ERCC2: variants seen among roughly 807,000 people sequenced by gnomAD.
ERCC2 encodes the protein ERCC excision repair 2, TFIIH core complex helicase subunit, also known as general transcription and DNA repair factor IIH helicase subunit XPD.
In ERCC2, 90 loss-of-function variants were observed where a neutral mutation model predicts 99.4. The ratio of observed to expected loss-of-function variants is 0.91; its 90% CI spans 0.76 to 1.08. ERCC2 has a LOEUF of 1.08. Ranked by LOEUF, ERCC2 falls within the 50% of genes least tolerant of loss-of-function variation. The pLI is 0.00. For missense variants in ERCC2, 993 were observed against 1,038.1 expected (o/e 0.96, Z 0.60); for synonymous variants, 497 against 432.4 (o/e 1.15, Z -1.85).
Position 45,351,103 on chromosome 19 carries a change from G to T in ERCC2, c.*526C>A, listed in dbSNP as rs3916897. Reference sequence around the variant, plus strand: ...CAAAGGCAGGGCGGTCGGGCCAGTGGTGGAGTCAGCAGGTGGTGGGTTGGT... The same window carrying T: ...CAAAGGCAGGGCGGTCGGGCCAGTGTTGGAGTCAGCAGGTGGTGGGTTGGT... On this transcript the variant is annotated 3_prime_UTR_variant, in exon 23 of 23. Coordinates refer to ENST00000391945, the MANE Select transcript of ERCC2 (RefSeq NM_000400.4). 8.6e-4 allele frequency: 1,382 copies of T among 1,609,744 alleles called. 5 individuals are homozygous for T. In the African/African-American group the frequency reaches 0.012, roughly 14 times the overall value.
chr19:45,353,058 G>T (rs757496545), intron 19 of ERCC2, 25 bp downstream of exon 19: 1 of 1,607,350 alleles, frequency 6.2e-7, no homozygotes, highest in South Asian at 1.1e-5. Flanking sequence ...AAGACACCTG[G>T]GGAGGAAGAG....
In ERCC2 at chr19:45,352,203, C is replaced by T; in HGVS notation, c.2190+6G>A. On this transcript the variant is annotated splice_donor_region_variant and intron_variant, in intron 22 of 22. Coordinates refer to ENST00000391945, the MANE Select transcript of ERCC2 (RefSeq NM_000400.4). ...GAGGGTGCCGGGAGGGGGACGCAGG[C>T]CTCACCCGGTGGAAGGGCTGTGCCA... is the stretch of plus-strand genomic sequence containing the variant. 1 of 1,613,408 alleles carries T rather than the reference C, an allele frequency of 6.2e-7. No individual in the cohort carries two copies. Among genetic ancestry groups the T allele is most frequent in the South Asian group, 1.1e-5 (1 of 91,034 alleles).
chr19:45,361,565 A>G lies in ERCC2; in HGVS notation c.1196T>C (p.Leu399Pro), dbSNP rs1158298751. 6.2e-7 allele frequency: 1 copy of G among 1,614,004 alleles called. No homozygotes were observed. The highest frequency in any genetic ancestry group is 1.3e-5 in the African/African-American group (1 of 75,046). The change falls in exon 12 of 23, where the codon CTC becomes CCC. Residue 399 changes from leucine (L) to proline (P), a missense_variant. Transcript: ENST00000391945. ...TDLADFSPLT[L>P]LANFATLVST... is the part of the protein sequence containing the mutation. ...GACAAGGGTGGCAAAGTTAGCAAGGAGGGTGAGCGGGGAGAAGTCAGCAAG... is the reference window on the plus strand; with the variant it reads ...GACAAGGGTGGCAAAGTTAGCAAGGGGGGTGAGCGGGGAGAAGTCAGCAAG...
chr19:45,350,590 G>A lies in ERCC2; in HGVS notation c.*1039C>T, dbSNP rs1270564446. On this transcript the variant is annotated 3_prime_UTR_variant, in exon 23 of 23. Coordinates refer to ENST00000391945, the MANE Select transcript of ERCC2 (RefSeq NM_000400.4). ...GTGCTTCGGCTCCTGGGGTGGGCGT[G>A]GGGACTGCATGGGCCTGGGGGACTG... 30 of 1,613,750 alleles carry A rather than the reference G, an allele frequency of 1.9e-5. No individual in the cohort carries two copies. The highest frequency in any genetic ancestry group is 2.4e-5 in the Non-Finnish European group (28 of 1,179,872).
chr19:45,357,972 C>A, intron 12 of ERCC2: 3 of 548,674 alleles, frequency 5.5e-6, no homozygotes, highest in Non-Finnish European at 9.9e-6. Flanking sequence ...GCTCACTCTC[C>A]CAGCACCGCA....
intron 12 of ERCC2, among the ~76,000 whole-genome samples, chr19:45,360,730 G>C (rs1029597362): frequency 1.3e-5 from 2 of 152,132 alleles, no homozygotes; most frequent in Non-Finnish European, 2.9e-5. Flanking sequence ...TGTTCACCAG[G>C]CCAGTCTCGA....
At position 45,365,256 on chromosome 19, in the gene ERCC2, C is replaced by T. The variant is rs568001594; in HGVS notation, c.361-98G>A. 8 of 849,620 alleles carry T rather than the reference C, an allele frequency of 9.4e-6. No individual in the cohort carries two copies. The African/African-American group carries it at 1.2e-4, about 12-fold the overall frequency. The allele number at this position is 849,620 out of a possible 1,614,324, so 52.6% of individuals were successfully genotyped here. On this transcript the variant is annotated intron_variant, in intron 5 of 22. Coordinates refer to ENST00000391945, the MANE Select transcript of ERCC2 (RefSeq NM_000400.4). The stretch of plus-strand genomic sequence containing the variant: ...CCTCCCAGCTGGCTGGGGTTTTGGA[C>T]AACTTGAACCTCAGTCTGTTGCATT...
chr19:45,356,212 C>T (rs752530573), intron 15 of ERCC2, among the ~76,000 whole-genome samples: 6 of 152,198 alleles, frequency 3.9e-5, no homozygotes, highest in Non-Finnish European at 8.8e-5. Flanking sequence ...TCCCACCAGC[C>T]GGCAACCTCA....
chr19:45,361,648 G>A lies in ERCC2; in HGVS notation c.1119-6C>T, dbSNP rs374636940. The A allele has an allele frequency of 3.6e-5, 58 of 1,605,502 alleles. No individual in the cohort carries two copies. The highest frequency in any genetic ancestry group is 3.0e-4 in the Admixed American group (18 of 59,976). On this transcript the variant is annotated splice_polypyrimidine_tract_variant and splice_region_variant and intron_variant, in intron 11 of 22. Transcript: ENST00000391945. ...GGAGGCGTTCAGCACAGAATCTGGCGGGGAGGAGAGACGGGGTCGGGGGGC... is the reference window on the plus strand; with the variant it reads ...GGAGGCGTTCAGCACAGAATCTGGCAGGGAGGAGAGACGGGGTCGGGGGGC...
chr19:45,351,327 C>T lies in ERCC2; in HGVS notation c.*302G>A, dbSNP rs373906614. 1.0e-4 allele frequency: 161 copies of T among 1,611,998 alleles called. No homozygotes were observed. The highest frequency in any genetic ancestry group is 4.9e-4 in the Middle Eastern group (3 of 6,082). ...TGGACAAGGCCCCTCGGACCCTCAGCGCCAGCACCCAGGACCTGAGCCCCC... is the reference window on the plus strand; with the variant it reads ...TGGACAAGGCCCCTCGGACCCTCAGTGCCAGCACCCAGGACCTGAGCCCCC... On this transcript the variant is annotated 3_prime_UTR_variant, in exon 23 of 23. Transcript: ENST00000391945.
intron 5 of ERCC2, among the ~76,000 whole-genome samples, chr19:45,367,760 G>A (rs1238777349): frequency 2.6e-5 from 4 of 151,754 alleles, no homozygotes; most frequent in African/African-American, 7.3e-5. Flanking sequence ...GTGTCCACCC[G>A]CCTCGGCCTC....
chr19:45,362,969 CAT>C (rs1218665140), intron 11 of ERCC2, among the ~76,000 whole-genome samples: 2 of 152,180 alleles, frequency 1.3e-5, no homozygotes, highest in African/African-American at 4.8e-5. Flanking sequence ...AGGTAAGGAA[CAT>C]AAAGGGCTTA....
chr19:45,352,261 C>T lies in ERCC2; in HGVS notation c.2138G>A (p.Gly713Asp), dbSNP rs1329763298. The T allele has an allele frequency of 6.2e-6, 10 of 1,614,086 alleles. No homozygotes were observed. Among genetic ancestry groups the T allele is most frequent in the Non-Finnish European group, 8.5e-6 (10 of 1,179,988 alleles). ...DANLNLTVDE[G>D]VQVAKYFLRQ... The stretch of plus-strand genomic sequence containing the variant: ...CAGGAAGTACTTGGCCACCTGGACA[C>T]CCTCGTCCACGGTCAGGTTGAGGTT... The change falls in exon 22 of 23, where the codon GGT (glycine) becomes GAT (aspartate). Residue 713 changes from glycine to aspartate, a missense_variant. Physicochemically the swap from Gly to Asp is moderately conservative, Grantham distance 94 (BLOSUM62 -1). Coordinates refer to ENST00000391945, the MANE Select transcript of ERCC2 (RefSeq NM_000400.4).
chr19:45,361,535 G>A lies in ERCC2; in HGVS notation c.1226C>T (p.Thr409Ile). 9 of 1,612,628 alleles carry A rather than the reference G, an allele frequency of 5.6e-6. No homozygotes were observed. Among genetic ancestry groups the A allele is most frequent in the Non-Finnish European group, 7.6e-6 (9 of 1,178,714 alleles). The change falls in exon 12 of 23, where the codon ACC becomes ATC. Residue 409 changes from threonine to isoleucine, a missense_variant. Transcript: ENST00000391945. Reference protein sequence around the residue: ...LLANFATLVSTYAKGFTIIIE... With the variant: ...LLANFATLVSIYAKGFTIIIE... ...AAAGGTGAGCTTACCTTTGGCGTAGGTGCTGACAAGGGTGGCAAAGTTAGC... is the reference window on the plus strand; with the variant it reads ...AAAGGTGAGCTTACCTTTGGCGTAGATGCTGACAAGGGTGGCAAAGTTAGC...
Position 45,363,729 on chromosome 19 carries a change from G to A in ERCC2, c.1118+14C>T. On this transcript the variant is annotated intron_variant, in intron 11 of 22. Transcript: ENST00000391945. The stretch of plus-strand genomic sequence containing the variant: ...CTGCCGGGCCCCCACCCCGCGCGCT[G>A]TCTGGGGCCGCACCTGAGGGGCTTG... 2 of 1,530,194 alleles carry A rather than the reference G, an allele frequency of 1.3e-6. No homozygotes were observed. Among genetic ancestry groups the A allele is most frequent in the Non-Finnish European group, 8.7e-7 (1 of 1,143,940 alleles). 94.8% of individuals were successfully genotyped at this position (1,530,194 alleles called of 1,614,324 possible).
chr19:45,370,286 T>A (rs528143483), intron 1 of ERCC2, 54 bp from the exon 2 acceptor site: 1 of 1,597,742 alleles, frequency 6.3e-7, no homozygotes, highest in South Asian at 1.1e-5. Flanking sequence ...CTCTCCCGCC[T>A]CCACAGTGCC....
In ERCC2 at chr19:45,350,995, C is replaced by T. The variant is rs1368360427; in HGVS notation, c.*634G>A. 4.3e-6 allele frequency: 7 copies of T among 1,613,984 alleles called. No individual in the cohort carries two copies. Among genetic ancestry groups the T allele is most frequent in the African/African-American group, 4.0e-5 (3 of 74,894 alleles). On this transcript the variant is annotated 3_prime_UTR_variant, in exon 23 of 23. Transcript: ENST00000391945. The stretch of plus-strand genomic sequence containing the variant: ...TCACTCAACACACTGAACGTGGATG[C>T]TCCAAGGGCTCCTGGGACTCAGGTG...
At position 45,358,583 on chromosome 19, in the gene ERCC2, C is replaced by G. The variant is rs3916844; in HGVS notation, c.1238-884G>C. ...CTCCAGTGGCCTGGTGCCTGACCTT[C>G]AAAAATCAGCAGGCTCAGTCCCCCC... On this transcript the variant is annotated intron_variant, in intron 12 of 22. Transcript: ENST00000391945. The G allele has an allele frequency of 0.018, 8,592 of 470,510 alleles. 602 individuals carry two copies. Among genetic ancestry groups the G allele is most frequent in the African/African-American group, 0.15 (7,665 of 50,756 alleles). The allele number at this position is 470,510 out of a possible 1,614,324, so 29.1% of individuals were successfully genotyped here.
chr19:45,368,668 C>T lies in ERCC2; in HGVS notation c.322G>A (p.Ala108Thr), dbSNP rs771447173. The change falls in exon 5 of 23, where the codon GCT (alanine) becomes ACT (threonine). Residue 108 changes from alanine (A) to threonine (T), a missense_variant. Physicochemically the swap from Ala to Thr is moderately conservative, Grantham distance 58. Transcript: ENST00000391945. ...CACAAGTTTTTGCGGGAGCTCAGAGCCAGTCCCAGAAACGGCAGCTTCTCG... is the reference window on the plus strand; with the variant it reads ...CACAAGTTTTTGCGGGAGCTCAGAGTCAGTCCCAGAAACGGCAGCTTCTCG... The part of the protein sequence containing the change: ...EGEKLPFLGL[A>T]LSSRKNLCIH... 1.4e-5 allele frequency: 22 copies of T among 1,613,944 alleles called. No homozygotes were observed. The highest frequency in any genetic ancestry group is 1.3e-5 in the Non-Finnish European group (15 of 1,179,932).
Sources: allele counts gnomAD v4.1 joint callset (sites outside exome capture counted in the v4.1 genomes callset), GRCh38; gene constraint gnomAD v4.1.1; transcripts MANE v1.5; gene names NCBI Gene and HGNC (gene_info 2026-07-23, HGNC 2026-07-21).